CDH23: variants seen among roughly 807,000 people sequenced by gnomAD.
The protein encoded by CDH23 is cadherin-23.
Under a neutral mutation model 317.1 loss-of-function variants are expected in CDH23, and 189 were observed. The ratio of observed to expected loss-of-function variants is 0.60; its 90% CI spans 0.53 to 0.67. The LOEUF is 0.67. Ranked by LOEUF, CDH23 falls within the 30% of genes least tolerant of loss-of-function variation. The probability of loss-of-function intolerance (pLI) is 0.00; values close to 1 mark genes in which losing one functional copy is unlikely to be tolerated. For synonymous variants in CDH23, 1,839 were observed against 1,876.8 expected, an observed-to-expected ratio of 0.98 and a Z score of 0.52; for missense variants, 4,401 against 4,592.4, an observed-to-expected ratio of 0.96 and a Z score of 1.20.
intron 6 of CDH23, among the ~76,000 whole-genome samples, chr10:71,533,525 C>CCACACACACACACAAACACACACACACA (rs1855520713): frequency 7.6e-6 from 1 of 130,752 alleles, no homozygotes; most frequent in Admixed American, 7.5e-5. Context: ...TGGCTGGACA[C>CCACACACACACACAAACACACACACACA]CACACACACA....
intron 18 of CDH23, among the ~76,000 whole-genome samples, chr10:71,687,054 G>T (rs909965528): frequency 6.6e-6 from 1 of 152,202 alleles, no homozygotes; most frequent in Admixed American, 6.5e-5. Context: ...CAGGGGTGGG[G>T]CTCTAGGCCA....
Position 71,805,988 on chromosome 10 carries a change from G to C in CDH23, c.8055G>C (p.Ala2685=), listed in dbSNP as rs546161666. ...TAQRLDRESQ[A]VYSLILVASD... ...AGCGCCTGGACCGCGAGTCGCAGGC[G>C]GTGTACAGCGTAAGGGCGGGGCCCG... Residue 2685 remains alanine, a synonymous_variant, in exon 56 of 70, where the codon GCG becomes GCC. Transcript: ENST00000224721. 2.5e-6 allele frequency: 4 copies of C among 1,610,558 alleles called. No homozygotes were observed. The highest frequency in any genetic ancestry group is 2.2e-5 in the East Asian group (1 of 44,774).
At chr10:71,738,836 G>A (rs1344726270) in intron 35 of CDH23, among the ~76,000 whole-genome samples, 189 bp downstream of exon 35, 2 of 152,240 alleles carry the variant, frequency 1.3e-5, no homozygotes, top group Non-Finnish European at 2.9e-5. Flanking sequence ...GCAGGCCGGT[G>A]GCCCTGCCTG....
intron 41 of CDH23, among the ~76,000 whole-genome samples, chr10:71,781,756 G>A (rs948924995): frequency 6.6e-6 from 1 of 152,164 alleles, no homozygotes; most frequent in Non-Finnish European, 1.5e-5. Context: ...CTGGGTGGGA[G>A]GCTTCCTCCC....
intron 6 of CDH23, among the ~76,000 whole-genome samples, chr10:71,532,971 A>G (rs1356151174): frequency 6.6e-6 from 1 of 151,950 alleles, no homozygotes; most frequent in Non-Finnish European, 1.5e-5. Context: ...ACCTCAAGTG[A>G]TCCACTCGCC....
chr10:71,652,158 G>C (rs566423341), intron 14 of CDH23, among the ~76,000 whole-genome samples: 1 of 152,186 alleles, frequency 6.6e-6, no homozygotes, highest in Non-Finnish European at 1.5e-5. Context: ...TTGCTGAGCC[G>C]TGGGTAGAGC....
chr10:71,730,580 G>A lies in CDH23; in HGVS notation c.3691G>A (p.Val1231Ile), dbSNP rs1235503841. The A allele has an allele frequency of 6.2e-7, 1 of 1,613,864 alleles. No individual in the cohort carries two copies. The highest frequency in any genetic ancestry group is 8.5e-7 in the Non-Finnish European group (1 of 1,179,898). Residue 1231 changes from valine to isoleucine, a missense_variant, in exon 31 of 70, where the codon GTC becomes ATC. By Grantham distance (29) the Val-to-Ile change is conservative. Transcript: ENST00000224721. ...TAGIGTSVIV[V>I]QATDRDSGDG... ...AGGCATTGGAACGTCAGTCATCGTG[G>A]TCCAAGCCACAGACCGAGACTCTGG...
intron 1 of CDH23, among the ~76,000 whole-genome samples, chr10:71,406,222 G>A (rs1472790159): frequency 1.3e-5 from 2 of 152,010 alleles, no homozygotes; most frequent in Non-Finnish European, 2.9e-5. Flanking sequence ...TTTGCTTTTG[G>A]GAGTTTTCCA....
At chr10:71,811,240 G>A (rs943327889) in intron 62 of CDH23, 75 bp from the exon 63 acceptor site, 2 of 1,606,996 alleles carry the variant, frequency 1.2e-6, no homozygotes, top group Non-Finnish European at 1.7e-6. Flanking sequence ...GGAGGCTTGA[G>A]GCAGGAGCAG....
intron 8 of CDH23, among the ~76,000 whole-genome samples, chr10:71,576,290 G>A (rs958447086): frequency 1.3e-5 from 2 of 152,232 alleles, no homozygotes; most frequent in African/African-American, 2.4e-5. Context: ...CTGGGGTGGT[G>A]ATCCAGTGGG....
At chr10:71,790,599 G>A (rs1841223040) in intron 46 of CDH23, 186 bp downstream of exon 46, 1 of 715,130 alleles carries the variant, frequency 1.4e-6, no homozygotes, top group Non-Finnish European at 2.3e-6. Context: ...AGGGGGACGT[G>A]GGAAGAGGCT....
intron 14 of CDH23, 157 bp downstream of exon 14, chr10:71,646,774 G>A (rs1158393799): frequency 1.9e-6 from 3 of 1,584,096 alleles, no homozygotes; most frequent in Non-Finnish European, 2.6e-6. Context: ...AAAGTTTTTG[G>A]ACTCTTCAGG....
intron 14 of CDH23, among the ~76,000 whole-genome samples, chr10:71,670,072 G>A (rs1864080773): frequency 6.6e-6 from 1 of 152,226 alleles, no homozygotes; most frequent in Non-Finnish European, 1.5e-5. Flanking sequence ...GGCTTCAGAG[G>A]TGTGCCGGGC....
chr10:71,418,207 A>G (rs947658396), intron 1 of CDH23, among the ~76,000 whole-genome samples: 6 of 151,682 alleles, frequency 4.0e-5, no homozygotes, highest in Admixed American at 2.0e-4. Context: ...TCTCCTGTTT[A>G]TGATATAGCT....
intron 36 of CDH23, 99 bp downstream of exon 36, chr10:71,739,871 TG>T: frequency 7.4e-7 from 1 of 1,353,796 alleles, no homozygotes; most frequent in Non-Finnish European, 9.9e-7. Flanking sequence ...CAGCACACTC[TG>T]GTGGTCAGTG....
chr10:71,758,479 G>A (rs906382168), intron 38 of CDH23, among the ~76,000 whole-genome samples: 8 of 152,178 alleles, frequency 5.3e-5, no homozygotes, highest in South Asian at 2.1e-4. Context: ...ACCTCTCAGC[G>A]CCAGGCACCC....
chr10:71,679,540 G>A (rs116123057), intron 17 of CDH23, 48 bp downstream of exon 17: 1 of 1,393,014 alleles, frequency 7.2e-7, no homozygotes, highest in Non-Finnish European at 1.0e-6. Flanking sequence ...AGGGCTGGGG[G>A]GCTCTCTGCA....
At chr10:71,739,914 C>A in intron 36 of CDH23, 142 bp downstream of exon 36, 1 of 999,224 alleles carries the variant, frequency 1.0e-6, no homozygotes, top group Non-Finnish European at 1.4e-6. Context: ...ATGGGGCCAG[C>A]TGCACCCATC....
intron 26 of CDH23, chr10:71,707,334 G>T (rs982022731): frequency 7.1e-7 from 1 of 1,414,454 alleles, no homozygotes; most frequent in Non-Finnish European, 9.2e-7. Context: ...GGGAGGTAAG[G>T]CCCCATGATT....
Sources: allele counts gnomAD v4.1 joint callset (sites outside exome capture counted in the v4.1 genomes callset), GRCh38; gene constraint gnomAD v4.1.1; transcripts MANE v1.5; gene names NCBI Gene and HGNC (gene_info 2026-07-23, HGNC 2026-07-21).